The following PADI3 variants were observed in gnomAD, a reference collection of about 807,000 sequenced individuals.
PADI3 encodes peptidyl arginine deiminase 3.
PADI3 carries 53 observed loss-of-function variants against 71.5 expected under a neutral mutation model. The ratio of observed to expected loss-of-function variants is 0.74; its 90% CI spans 0.59 to 0.93. The LOEUF is 0.93. Among genes scored for constraint, PADI3 ranks in the 40% least tolerant of loss-of-function variants. The pLI is 0.00. For missense variants in PADI3, 821 were observed against 868.0 expected (o/e 0.95, Z 0.68); for synonymous variants, 361 against 347.5 (o/e 1.04, Z -0.43).
intron 1 of PADI3, among the ~76,000 whole-genome samples, chr1:17,258,739 C>T (rs138102520): frequency 7.1e-4 from 108 of 152,338 alleles, no homozygotes; most frequent in Non-Finnish European, 1.1e-3. Flanking sequence ...GAGCTGCGTG[C>T]GCCAGGTGCC....
intron 11 of PADI3, 65 bp from the exon 12 acceptor site, chr1:17,276,454 T>A (rs2073331253): frequency 6.4e-7 from 1 of 1,551,128 alleles, no homozygotes; most frequent in Non-Finnish European, 8.8e-7. Flanking sequence ...TAAACTCTTG[T>A]CATTTTATTT....
chr1:17,276,580 C>A lies in PADI3; in HGVS notation c.1369C>A (p.Pro457Thr). Residue 457 changes from proline to threonine, a missense_variant, in exon 12 of 16, where the codon CCC becomes ACC. Transcript: ENST00000375460. ...CTTCCTCCATGCCCAGAAGGTGCAG[C>A]CCCCCGTGGAGCTCTTTGTGGACTG... ...RDFLHAQKVQ[P>T]PVELFVDWLA... is the part of the protein sequence containing the mutation. 1 of 1,614,094 alleles carries A rather than the reference C, an allele frequency of 6.2e-7. No homozygotes were observed. Among genetic ancestry groups the A allele is most frequent in the Non-Finnish European group, 8.5e-7 (1 of 1,179,992 alleles).
At chr1:17,280,546 C>A in intron 14 of PADI3, 117 bp downstream of exon 14, 2 of 1,512,518 alleles carry the variant, frequency 1.3e-6, no homozygotes, top group Non-Finnish European at 1.8e-6. Flanking sequence ...TTAGAACAGG[C>A]CCAGACAGAG....
chr1:17,265,733 G>T lies in PADI3; in HGVS notation c.408+13G>T. ...CTTTGTAGACAAGGTAAGCATCTCT[G>T]CCTGGGCCCAGGAAGCAGGAGTGCA... On this transcript the variant is annotated intron_variant, in intron 4 of 15. Transcript: ENST00000375460. The T allele has an allele frequency of 1.2e-6, 2 of 1,613,418 alleles. No homozygotes were observed. Among genetic ancestry groups the T allele is most frequent in the Non-Finnish European group, 1.7e-6 (2 of 1,179,354 alleles).
At chr1:17,260,986 A>C (rs966016190) in intron 2 of PADI3, among the ~76,000 whole-genome samples, 2 of 152,120 alleles carry the variant, frequency 1.3e-5, no homozygotes, top group Non-Finnish European at 2.9e-5. Context: ...CCTGCTCCCT[A>C]TCCTGCCTTT....
intron 1 of PADI3, among the ~76,000 whole-genome samples, chr1:17,253,566 C>T (rs1043653477): frequency 6.6e-6 from 1 of 152,140 alleles, no homozygotes; most frequent in Non-Finnish European, 1.5e-5. Flanking sequence ...GGTTCTCAAC[C>T]CTGGAAGTGT....
chr1:17,265,906 G>C (rs994245269), intron 4 of PADI3, among the ~76,000 whole-genome samples, 186 bp downstream of exon 4: 1 of 152,178 alleles, frequency 6.6e-6, no homozygotes, highest in African/African-American at 2.4e-5. Context: ...TCATCGCCAG[G>C]AATTATCAGG....
chr1:17,257,993 G>A (rs1162031554), intron 1 of PADI3, among the ~76,000 whole-genome samples: 1 of 152,220 alleles, frequency 6.6e-6, no homozygotes, highest in Non-Finnish European at 1.5e-5. Context: ...GTGGGCAAGA[G>A]TGTGGACTGA....
At chr1:17,282,724 A>G (rs190046468) in intron 15 of PADI3, 122 bp from the exon 16 acceptor site, 4 of 724,046 alleles carry the variant, frequency 5.5e-6, no homozygotes, top group African/African-American at 5.3e-5. Context: ...TTCTCATTGC[A>G]CAGGAAAGGG....
rs112656441 is a variant in PADI3 at position 17,265,770 on chromosome 1, C to T, written c.408+50C>T. On this transcript the variant is annotated intron_variant, in intron 4 of 15. Transcript: ENST00000375460. ...GAAGCAGGAGTGCAGTTGGAGCTTG[C>T]TCTAGGTTGGGTTAAGAAGGATGAG... The T allele has an allele frequency of 4.1e-5, 64 of 1,552,162 alleles. 1 individual carries two copies. The African/African-American group carries it at 7.3e-4, about 18-fold the overall frequency.
intron 3 of PADI3, among the ~76,000 whole-genome samples, chr1:17,263,386 G>A (rs1477617270): frequency 6.6e-6 from 1 of 152,048 alleles, no homozygotes; most frequent in African/African-American, 2.4e-5. Flanking sequence ...TGTGAAATTG[G>A]TATAGAGCAA....
chr1:17,271,706 G>A (rs891429136), intron 9 of PADI3, among the ~76,000 whole-genome samples: 1 of 151,770 alleles, frequency 6.6e-6, no homozygotes, highest in African/African-American at 2.4e-5. Context: ...AAATTAGCAG[G>A]GCATGGTGGC....
intron 1 of PADI3, among the ~76,000 whole-genome samples, chr1:17,257,098 G>A (rs1167404026): frequency 2.6e-5 from 4 of 151,054 alleles, no homozygotes; most frequent in Non-Finnish European, 2.9e-5. Flanking sequence ...CCTCAGGAGC[G>A]TGGCTGAGGG....
At chr1:17,274,896 G>A in intron 11 of PADI3, 110 bp downstream of exon 11, 1 of 1,159,230 alleles carries the variant, frequency 8.6e-7, no homozygotes, top group Non-Finnish European at 1.2e-6. Context: ...CAGAAGCAAG[G>A]AATGATGAAA....
intron 6 of PADI3, among the ~76,000 whole-genome samples, chr1:17,268,170 G>A (rs1370879857): frequency 6.6e-6 from 1 of 152,204 alleles, no homozygotes; most frequent in Non-Finnish European, 1.5e-5. Context: ...CTGGCCTGAG[G>A]TCATTTTATT....
intron 6 of PADI3, 82 bp downstream of exon 6, chr1:17,268,044 C>T: frequency 6.5e-7 from 1 of 1,546,840 alleles, no homozygotes; most frequent in Admixed American, 1.7e-5. Context: ...CTGCCTTGGG[C>T]CATGGGCAGG....
intron 15 of PADI3, among the ~76,000 whole-genome samples, chr1:17,282,636 G>A (rs943932435): frequency 4.6e-5 from 7 of 152,232 alleles, no homozygotes; most frequent in African/African-American, 1.2e-4. Flanking sequence ...TCCAGAGCAC[G>A]TTGCCAGAGT....
chr1:17,280,011 C>A (rs1023235661), intron 13 of PADI3, among the ~76,000 whole-genome samples: 5 of 152,172 alleles, frequency 3.3e-5, no homozygotes, highest in African/African-American at 1.2e-4. Flanking sequence ...TGACCCAGCT[C>A]CCCGCTAAGC....
intron 15 of PADI3, among the ~76,000 whole-genome samples, chr1:17,281,483 T>C (rs1240050551): frequency 1.3e-5 from 2 of 150,778 alleles, no homozygotes; most frequent in African/African-American, 2.4e-5. Flanking sequence ...TCTCACTCTG[T>C]TGCCCAGGCT....
Sources: allele counts gnomAD v4.1 joint callset (sites outside exome capture counted in the v4.1 genomes callset), GRCh38; gene constraint gnomAD v4.1.1; transcripts MANE v1.5; gene names NCBI Gene and HGNC (gene_info 2026-07-23, HGNC 2026-07-21).